Variants in PKHD1L1 observed in about 807,000 individuals in gnomAD.
The protein encoded by PKHD1L1 is PKHD1 like 1, also known as fibrocystin-L.
PKHD1L1 carries 434 observed loss-of-function variants against 462.9 expected under a neutral mutation model. The ratio of observed to expected loss-of-function variants is 0.94; its 90% CI spans 0.87 to 1.02. PKHD1L1 has a LOEUF of 1.02. Among genes scored for constraint, PKHD1L1 ranks in the 50% least tolerant of loss-of-function variants. PKHD1L1 has a pLI of 0.00. For synonymous variants in PKHD1L1, 1,781 were observed against 1,750.0 expected, an observed-to-expected ratio of 1.02 and a Z score of -0.44; for missense variants, 5,202 against 5,096.1, an observed-to-expected ratio of 1.02 and a Z score of -0.63.
At position 109,448,365 on chromosome 8, in the gene PKHD1L1, A is replaced by G. The variant is rs1351948373; in HGVS notation, c.5999A>G (p.Asn2000Ser). 3 of 1,612,728 alleles carry G rather than the reference A, an allele frequency of 1.9e-6. No individual in the cohort carries two copies. Among genetic ancestry groups the G allele is most frequent in the African/African-American group, 1.3e-5 (1 of 74,890 alleles). Residue 2000 changes from asparagine (N) to serine (S), a missense_variant, in exon 39 of 78, where the codon AAT (asparagine) becomes AGT (serine). By Grantham distance (46) the Asn-to-Ser change is conservative. Transcript: ENST00000378402. ...MSTVVFEYPL[N>S]IQNINPSQGS... ...ACAGTTGTATTTGAGTACCCGCTTA[A>G]TATTCAAAATATTAATCCAAGCCAA... is the stretch of plus-strand genomic sequence containing the variant.
chr8:109,478,480 G>T (rs1194848193), intron 53 of PKHD1L1, among the ~76,000 whole-genome samples: 25 of 152,060 alleles, frequency 1.6e-4, no homozygotes, highest in Non-Finnish European at 4.4e-5. Flanking sequence ...GAGCAATATG[G>T]CAGGGACAGC....
intron 19 of PKHD1L1, 112 bp from the exon 20 acceptor site, chr8:109,412,153 A>C: frequency 1.0e-6 from 1 of 994,718 alleles, no homozygotes; most frequent in Non-Finnish European, 1.4e-6. Flanking sequence ...AGTTAAAGTA[A>C]TCAGGGAAAC....
chr8:109,452,209 A>T lies in PKHD1L1; in HGVS notation c.6436A>T (p.Thr2146Ser). Reference sequence around the variant, plus strand: ...CAACAAGACACACATCATCTGCATGACAGATGCCCATACTCTATCAGGGTG... The same window carrying T: ...CAACAAGACACACATCATCTGCATGTCAGATGCCCATACTCTATCAGGGTG... ...YSNKTHIICM[T>S]DAHTLSGWAP... Residue 2146 changes from threonine to serine, a missense_variant, in exon 42 of 78, where the codon ACA (threonine) becomes TCA (serine). Physicochemically the swap from Thr to Ser is moderately conservative, Grantham distance 58. Transcript: ENST00000378402. 1 of 1,613,152 alleles carries T rather than the reference A, an allele frequency of 6.2e-7. No individual in the cohort carries two copies. Among genetic ancestry groups the T allele is most frequent in the Non-Finnish European group, 8.5e-7 (1 of 1,179,424 alleles).
At chr8:109,498,162 C>T (rs1224394360) in intron 65 of PKHD1L1, among the ~76,000 whole-genome samples, 1 of 42,828 alleles carries the variant, frequency 2.3e-5, no homozygotes, top group African/African-American at 1.4e-4. Context: ...ACTGCAGTGG[C>T]GCAATCTCGG....
At chr8:109,486,615 A>T (rs1359105776) in intron 58 of PKHD1L1, 33 bp from the exon 59 acceptor site, 22 of 1,595,306 alleles carry the variant, frequency 1.4e-5, no homozygotes, top group Non-Finnish European at 1.7e-5. Flanking sequence ...ACTTCTCAGC[A>T]TTGGCAATAA....
intron 9 of PKHD1L1, 39 bp from the exon 10 acceptor site, chr8:109,394,376 A>G: frequency 2.3e-6 from 3 of 1,299,826 alleles, no homozygotes; most frequent in Non-Finnish European, 3.2e-6. Flanking sequence ...CCTAAATTAA[A>G]GATCATTTAA....
intron 76 of PKHD1L1, 141 bp from the exon 77 acceptor site, chr8:109,526,638 TTAAAC>T (rs1820828756): frequency 2.8e-6 from 2 of 721,708 alleles, no homozygotes; most frequent in East Asian, 2.7e-5. Flanking sequence ...TTGTCTGTAC[TTAAAC>T]TAATTTATTT....
At position 109,454,171 on chromosome 8, in the gene PKHD1L1, G is replaced by T. The variant is rs142919709; in HGVS notation, c.6669G>T (p.Gly2223=). ...TCAAAATTGTATGATTCATAGGTGG[G>T]ACTCTAATATTTGATGAAGCTGACA... ...PILKMLLIQG[G]TLIFDEADIE... Residue 2223 remains glycine, a synonymous_variant, in exon 44 of 78, where the codon GGG becomes GGT. Transcript: ENST00000378402. 192 of 1,602,192 alleles carry T rather than the reference G, an allele frequency of 1.2e-4. No individual in the cohort carries two copies. In the East Asian group the frequency reaches 4.2e-3, roughly 35 times the overall value.
chr8:109,449,289 A>G (rs1673405), intron 39 of PKHD1L1, 49 bp from the exon 40 acceptor site: 825,873 of 1,493,076 alleles, frequency 0.55, 232,328 homozygotes, highest in African/African-American at 0.73. Context: ...ACACAGAAGA[A>G]GTTTTATTTT....
In PKHD1L1 at chr8:109,498,577, A is replaced by C. The variant is rs1456178457; in HGVS notation, c.10711+4A>C. ...CGGAGTCCTAGATCTCCATCAGGTG[A>C]AAAATTTGAAACTTTAATGTTGTTG... On this transcript the variant is annotated splice_donor_region_variant and intron_variant, in intron 66 of 77. Coordinates refer to ENST00000378402, the MANE Select transcript of PKHD1L1 (RefSeq NM_177531.6). 1 of 1,610,680 alleles carries C rather than the reference A, an allele frequency of 6.2e-7. No individual in the cohort carries two copies. Among genetic ancestry groups the C allele is most frequent in the Non-Finnish European group, 8.5e-7 (1 of 1,176,980 alleles).
At chr8:109,413,781 AGTCACCC>A (rs1813985323) in intron 21 of PKHD1L1, among the ~76,000 whole-genome samples, 1 of 152,140 alleles carries the variant, frequency 6.6e-6, no homozygotes, top group Admixed American at 6.5e-5. Context: ...GTCATGACAT[AGTCACCC>A]ATAACCATAA....
chr8:109,452,349 G>A, intron 42 of PKHD1L1, 69 bp downstream of exon 42: 3 of 1,329,614 alleles, frequency 2.3e-6, no homozygotes, highest in Non-Finnish European at 3.0e-6. Context: ...GGGCTAATTG[G>A]TAATTGTTGT....
chr8:109,443,072 C>G lies in PKHD1L1; in HGVS notation c.4520C>G (p.Pro1507Arg). The change falls in exon 36 of 78, where the codon CCC becomes CGC. Residue 1507 changes from proline to arginine, a missense_variant. Transcript: ENST00000378402. ...TTACCAGCTGAAACCAGACACATTCCCTTGCACCTGTTTGTGGGTCGCTCT... is the reference window on the plus strand; with the variant it reads ...TTACCAGCTGAAACCAGACACATTCGCTTGCACCTGTTTGTGGGTCGCTCT... ...NVLPAETRHI[P>R]LHLFVGRSEA... 6.2e-7 allele frequency: 1 copy of G among 1,613,614 alleles called. No homozygotes were observed. Among genetic ancestry groups the G allele is most frequent in the Non-Finnish European group, 8.5e-7 (1 of 1,179,642 alleles).
At chr8:109,495,992 T>G (rs1316424201) in intron 63 of PKHD1L1, among the ~76,000 whole-genome samples, 1 of 152,216 alleles carries the variant, frequency 6.6e-6, no homozygotes, top group Admixed American at 6.5e-5. Context: ...AGGCACTGTA[T>G]GTGGGTTATT....
At chr8:109,508,567 G>A (rs1234822725) in intron 70 of PKHD1L1, among the ~76,000 whole-genome samples, 1 of 151,730 alleles carries the variant, frequency 6.6e-6, no homozygotes, top group Non-Finnish European at 1.5e-5. Context: ...ATACTTTATT[G>A]ATAAGGTGGT....
At chr8:109,382,724 CT>C (rs1410467228) in intron 4 of PKHD1L1, among the ~76,000 whole-genome samples, 153 bp downstream of exon 4, 2 of 151,904 alleles carry the variant, frequency 1.3e-5, no homozygotes, top group Non-Finnish European at 2.9e-5. Flanking sequence ...TTTAAATTAT[CT>C]TCCATAGTAA....
intron 1 of PKHD1L1, among the ~76,000 whole-genome samples, chr8:109,364,136 C>A (rs1044415444): frequency 1.3e-5 from 2 of 152,200 alleles, no homozygotes; most frequent in African/African-American, 4.8e-5. Flanking sequence ...AACTACCTAG[C>A]ATTGCATTTC....
chr8:109,465,148 A>C lies in PKHD1L1; in HGVS notation c.8316A>C (p.Ala2772=). ...ATGACAGATGTGGGGGTTGGAGTGC[A>C]AAGTTTGTTGACGTCCAGTATTCTC... The part of the protein sequence containing the change: ...VCNDRCGGWS[A]KFVDVQYSHT... The change falls in exon 49 of 78, where the codon GCA becomes GCC. Residue 2772 remains alanine (A), a synonymous_variant. Transcript: ENST00000378402. 6.2e-7 allele frequency: 1 copy of C among 1,613,800 alleles called. No individual in the cohort carries two copies. The highest frequency in any genetic ancestry group is 8.5e-7 in the Non-Finnish European group (1 of 1,179,764).
intron 21 of PKHD1L1, among the ~76,000 whole-genome samples, chr8:109,415,156 C>G (rs1479540544): frequency 6.6e-6 from 1 of 151,656 alleles, no homozygotes; most frequent in African/African-American, 2.4e-5. Context: ...GTGTGCACTA[C>G]CACGCCCAGC....
Sources: gnomAD v4.1 joint callset for allele counts (sites outside exome capture counted in the v4.1 genomes callset) on GRCh38, gnomAD v4.1.1 for gene constraint, MANE v1.5 for transcripts, NCBI Gene and HGNC (gene_info 2026-07-23, HGNC 2026-07-21) for gene names.